ZSCAN5B: variants seen among roughly 807,000 people sequenced by gnomAD.
ZSCAN5B encodes the protein zinc finger and SCAN domain-containing protein 5B.
Under a neutral mutation model 25.2 loss-of-function variants are expected in ZSCAN5B, and 26 were observed. The ratio of observed to expected loss-of-function variants is 1.03; its 90% CI spans 0.76 to 1.43. The LOEUF is 1.43. Ranked by LOEUF, ZSCAN5B falls within the 40% of genes most tolerant of loss-of-function variation. ZSCAN5B has a pLI of 0.00. For missense variants in ZSCAN5B, 745 were observed against 622.1 expected (o/e 1.20, Z -2.10); for synonymous variants, 244 against 240.9 (o/e 1.01, Z -0.12).
At chr19:56,193,310 C>A (rs73617569) in intron 1 of ZSCAN5B, 131 bp from the exon 2 acceptor site, 9,858 of 434,912 alleles carry the variant, frequency 0.023, 164 homozygotes, top group African/African-American at 0.048. Flanking sequence ...GGAAATGAAT[C>A]CACTCTGTTC....
exon 5 of ZSCAN5B, chr19:56,189,981 C>T: frequency 6.2e-7 from 1 of 1,613,986 alleles, no homozygotes. Context: ...GAAAACTTTG[C>T]TGCAGTATTT....
exon 5 of ZSCAN5B, chr19:56,190,564 C>T: frequency 6.2e-7 from 1 of 1,612,132 alleles, no homozygotes; most frequent in Non-Finnish European, 8.5e-7. Flanking sequence ...CCCTCCTTTG[C>T]TCTCACCAGA....
intron 3 of ZSCAN5B, among the ~76,000 whole-genome samples, chr19:56,191,233 T>C (rs972146607): frequency 2.8e-4 from 42 of 152,108 alleles, no homozygotes; most frequent in Non-Finnish European, 5.7e-4. Flanking sequence ...CGTGCCAATG[T>C]CTCCCTGCCC....
At chr19:56,197,839 G>C in exon 1 of ZSCAN5B, 1 of 985,230 alleles carries the variant, frequency 1.0e-6, no homozygotes, top group Non-Finnish European at 1.2e-6. Context: ...TCCAGGCCGC[G>C]TTTCCGGTTC....
intron 1 of ZSCAN5B, among the ~76,000 whole-genome samples, chr19:56,194,159 C>T (rs2032777520): frequency 6.6e-6 from 1 of 152,090 alleles, no homozygotes; most frequent in South Asian, 2.1e-4. Context: ...CCTCCTGCCC[C>T]AACCCCCTCC....
rs766433342 is a variant in ZSCAN5B, at chr19:56,190,345, G to GA, written c.969_970insT (p.Pro324SerfsTer5). 1.9e-6 allele frequency: 3 copies of GA among 1,614,016 alleles called. No individual in the cohort carries two copies. The East Asian group carries it at 6.7e-5, about 36-fold the overall frequency. On this transcript the variant is annotated frameshift_variant, in exon 5 of 5. Coordinates refer to ENST00000586855, the Ensembl canonical transcript of ZSCAN5B. LOFTEE classifies it low-confidence loss of function (END_TRUNC). ...ACTGGATTGATCTCAGCTTGTCCTG[G>GA]GGATTCTCTGTTGCCCACAGGTGTG...
chr19:56,193,133 C>T (rs1599939611), exon 2 of ZSCAN5B: 1 of 1,407,974 alleles, frequency 7.1e-7, no homozygotes, highest in South Asian at 1.5e-5. Flanking sequence ...TTTACACAGG[C>T]TGCCCCTGTT....
exon 3 of ZSCAN5B, chr19:56,192,017 G>T (rs1190722258): frequency 6.2e-7 from 1 of 1,613,636 alleles, no homozygotes; most frequent in African/African-American, 1.3e-5. Context: ...TCTGAGTTCA[G>T]CATAAGATAT....
At position 56,197,775 on chromosome 19, in the gene ZSCAN5B, G is replaced by A. The variant is rs984656620; in HGVS notation, c.-169C>T. On this transcript the variant is annotated 5_prime_UTR_variant, in exon 1 of 5. Coordinates refer to ENST00000586855, the Ensembl canonical transcript of ZSCAN5B. ...GCCTCCGACCTTCTCGGTCTGGGAT[G>A]CGCTCTCCAACCGGCCTGGAGCTGA... 5.1e-6 allele frequency: 5 copies of A among 985,260 alleles called. No homozygotes were observed. In the African/African-American group the frequency reaches 8.7e-5, roughly 17 times the overall value. The allele number at this position is 985,260 out of a possible 1,614,324, so 61.0% of individuals were successfully genotyped here.
At chr19:56,190,842 C>T in exon 4 of ZSCAN5B, 1 of 1,613,912 alleles carries the variant, frequency 6.2e-7, no homozygotes, top group Non-Finnish European at 8.5e-7. Context: ...CTCACTGGGA[C>T]TCTTTGGAAG....
At chr19:56,192,193 A>G (rs2032746477) in intron 2 of ZSCAN5B, 140 bp from the exon 3 acceptor site, 1 of 833,610 alleles carries the variant, frequency 1.2e-6, no homozygotes, top group Non-Finnish European at 1.8e-6. Context: ...AGCTCTGTGG[A>G]CACAGCAATC....
chr19:56,190,019 G>C lies in ZSCAN5B; in HGVS notation c.1296C>G (p.Ile432Met), dbSNP rs367925256. 9 of 1,613,840 alleles carry C rather than the reference G, an allele frequency of 5.6e-6. No individual in the cohort carries two copies. The highest frequency in any genetic ancestry group is 6.8e-6 in the Non-Finnish European group (8 of 1,179,904). Reference sequence around the variant, plus strand: ...ATTTAAACGGCCTCTCCCCGGTGTGGATCCTCTTGTGGCCCTGTAAGGTGG... The same window carrying C: ...ATTTAAACGGCCTCTCCCCGGTGTGCATCCTCTTGTGGCCCTGTAAGGTGG... The change falls in exon 5 of 5, where the codon ATC becomes ATG. Residue 432 changes from isoleucine (I) to methionine (M), a missense_variant. Coordinates refer to ENST00000586855, the Ensembl canonical transcript of ZSCAN5B.
intron 1 of ZSCAN5B, among the ~76,000 whole-genome samples, chr19:56,197,048 A>G (rs372271255): frequency 6.6e-6 from 1 of 152,114 alleles, no homozygotes; most frequent in African/African-American, 2.4e-5. Flanking sequence ...GAGGCCGAGG[A>G]GGGCACATAG....
In ZSCAN5B at chr19:56,189,985, A is replaced by G. The variant is rs777612001; in HGVS notation, c.1330T>C (p.Cys444Arg). ...CCCTTGTGGCTGAAAACTTTGCTGC[A>G]GTATTTACATTTAAACGGCCTCTCC... Residue 444 changes from cysteine (C) to arginine (R), a missense_variant, in exon 5 of 5, where the codon TGC (cysteine) becomes CGC (arginine). Physicochemically the swap from Cys to Arg is radical, Grantham distance 180. Transcript: ENST00000586855. The G allele has an allele frequency of 3.1e-6, 5 of 1,614,000 alleles. No individual in the cohort carries two copies. The Admixed American group carries it at 5.0e-5, about 16-fold the overall frequency.
At chr19:56,192,113 C>T (rs1178696500) in intron 2 of ZSCAN5B, 60 bp from the exon 3 acceptor site, 7 of 1,449,046 alleles carry the variant, frequency 4.8e-6, no homozygotes, top group Non-Finnish European at 6.6e-6. Flanking sequence ...TCTCATATTT[C>T]CTGGGTCCTG....
exon 4 of ZSCAN5B, chr19:56,190,889 C>T (rs2032722542): frequency 3.7e-6 from 6 of 1,614,006 alleles, no homozygotes; most frequent in African/African-American, 1.3e-5. Context: ...GGTTCTCTTC[C>T]CTGTTTTCCT....
At chr19:56,192,887 ACTC>A in exon 2 of ZSCAN5B, 12 of 1,613,012 alleles carry the variant, frequency 7.4e-6, no homozygotes, top group Non-Finnish European at 1.0e-5. Flanking sequence ...ATGGGGTCCG[ACTC>A]CTCTGGGCAG....
chr19:56,193,250 C>T, intron 1 of ZSCAN5B, 71 bp from the exon 2 acceptor site: 1 of 618,160 alleles, frequency 1.6e-6, no homozygotes, highest in East Asian at 2.9e-5. Context: ...CCAAATCCCT[C>T]ATCCCAATCC....
exon 5 of ZSCAN5B, chr19:56,190,432 T>C (rs61742626): frequency 1.3e-5 from 21 of 1,613,990 alleles, no homozygotes; most frequent in African/African-American, 4.0e-5. Context: ...CTTTTGGGAC[T>C]GCTCAGATTC....
Sources: gnomAD v4.1 joint callset for allele counts (sites outside exome capture counted in the v4.1 genomes callset) on GRCh38, gnomAD v4.1.1 for gene constraint, MANE v1.5 for transcripts, NCBI Gene and HGNC (gene_info 2026-07-23, HGNC 2026-07-21) for gene names.